MIB1: variants seen among roughly 807,000 people sequenced by gnomAD.
MIB1 encodes E3 ubiquitin-protein ligase MIB1.
In MIB1, 278 loss-of-function variants were observed where a neutral mutation model predicts 124.5. That is an observed-to-expected ratio of 2.23 (90% CI 2.02 to 2.47). The LOEUF (loss-of-function observed/expected upper bound fraction) is 2.47, where lower values mean the gene tolerates loss of function less well. MIB1 is among the 30% of genes most tolerant of loss of function. MIB1 has a pLI of 0.00. For missense variants in MIB1, 957 were observed against 1,254.4 expected, an observed-to-expected ratio of 0.76 and a Z score of 3.58; for synonymous variants, 446 against 429.4, an observed-to-expected ratio of 1.04 and a Z score of -0.48.
chr18:21,727,304 T>C (rs1419834062), intron 1 of MIB1, among the ~76,000 whole-genome samples: 1 of 152,164 alleles, frequency 6.6e-6, no homozygotes, highest in African/African-American at 2.4e-5. Context: ...TGGCTAATTT[T>C]TGTGTTTTAG....
At chr18:21,721,255 A>G (rs2040714766) in intron 1 of MIB1, among the ~76,000 whole-genome samples, 1 of 125,032 alleles carries the variant, frequency 8.0e-6, no homozygotes. Flanking sequence ...ATCTTGGCTC[A>G]CTGCAATATC....
chr18:21,837,302 A>C (rs1438910365), intron 12 of MIB1, among the ~76,000 whole-genome samples: 1 of 152,206 alleles, frequency 6.6e-6, no homozygotes, highest in Non-Finnish European at 1.5e-5. Context: ...AGGTCAGGAG[A>C]TCTAGACCAT....
chr18:21,840,860 A>T (rs570687779), intron 13 of MIB1, among the ~76,000 whole-genome samples: 1 of 151,898 alleles, frequency 6.6e-6, no homozygotes, highest in Admixed American at 6.6e-5. Flanking sequence ...AACACAAAAA[A>T]TTAGTATTAG....
At chr18:21,855,366 T>A (rs935790845) in intron 18 of MIB1, among the ~76,000 whole-genome samples, 2 of 151,974 alleles carry the variant, frequency 1.3e-5, no homozygotes, top group African/African-American at 4.8e-5. Context: ...TGAAGAAAGA[T>A]TAGAAACAAT....
intron 10 of MIB1, among the ~76,000 whole-genome samples, chr18:21,815,058 A>ATAT (rs2041817035): frequency 2.4e-5 from 2 of 84,998 alleles, no homozygotes; most frequent in African/African-American, 4.9e-5. Context: ...TATATATATA[A>ATAT]AATTATATAT....
chr18:21,842,784 T>C (rs1009749998), intron 13 of MIB1, among the ~76,000 whole-genome samples: 5 of 152,186 alleles, frequency 3.3e-5, no homozygotes, highest in Non-Finnish European at 7.4e-5. Context: ...TCAGGAAATA[T>C]TTAGAGTTCT....
chr18:21,769,020 C>T (rs1173082213), intron 3 of MIB1, among the ~76,000 whole-genome samples: 4 of 152,138 alleles, frequency 2.6e-5, no homozygotes, highest in Non-Finnish European at 5.9e-5. Context: ...CTTTTCTGAA[C>T]GCATTTGGGC....
intron 1 of MIB1, among the ~76,000 whole-genome samples, chr18:21,719,612 A>AT (rs1274166599): frequency 0.011 from 1,316 of 121,298 alleles, 15 homozygotes; most frequent in Middle Eastern, 0.032. Flanking sequence ...ACGCTGGGCT[A>AT]TTTTTTTTTT....
intron 10 of MIB1, 88 bp downstream of exon 10, chr18:21,804,102 G>T (rs2041679111): frequency 1.0e-6 from 1 of 976,166 alleles, no homozygotes; most frequent in Non-Finnish European, 1.6e-6. Flanking sequence ...TTTTATTTTT[G>T]AAATTTAGTA....
intron 20 of MIB1, among the ~76,000 whole-genome samples, chr18:21,864,174 G>T (rs112644600): frequency 6.6e-6 from 1 of 152,142 alleles, no homozygotes; most frequent in East Asian, 1.9e-4. Flanking sequence ...ACAGCGGCGC[G>T]ATCTTGGCTT....
chr18:21,829,484 T>C (rs1455922909), intron 12 of MIB1: 1 of 149,458 alleles, frequency 6.7e-6, no homozygotes, highest in African/African-American at 2.5e-5. Flanking sequence ...TTAAATTCAA[T>C]TTTTTTTTTA....
chr18:21,837,126 A>G (rs913721348), intron 12 of MIB1, among the ~76,000 whole-genome samples: 4 of 152,190 alleles, frequency 2.6e-5, no homozygotes, highest in Non-Finnish European at 4.4e-5. Flanking sequence ...GTTATCCCCA[A>G]ACAGTGATTG....
chr18:21,739,091 A>T (rs1474408281), upstream of MIB1, among the ~76,000 whole-genome samples: 4 of 152,046 alleles, frequency 2.6e-5, no homozygotes, highest in African/African-American at 4.8e-5. Flanking sequence ...GCAATAAAAA[A>T]TTATAAAGGG....
chr18:21,808,038 C>A (rs940613395), intron 10 of MIB1, among the ~76,000 whole-genome samples: 1 of 152,000 alleles, frequency 6.6e-6, no homozygotes, highest in South Asian at 2.1e-4. Flanking sequence ...AATATGTATT[C>A]CAAAACGTAA....
chr18:21,846,844 G>A, intron 15 of MIB1, 100 bp from the exon 16 acceptor site: 1 of 1,130,100 alleles, frequency 8.8e-7, no homozygotes, highest in Non-Finnish European at 1.3e-6. Context: ...ATTAGGACTA[G>A]AACTCATAAG....
At chr18:21,800,918 C>T (rs141004475) in intron 9 of MIB1, among the ~76,000 whole-genome samples, 27 of 152,048 alleles carry the variant, frequency 1.8e-4, no homozygotes, top group East Asian at 9.6e-4. Flanking sequence ...GAAAGATAGT[C>T]GGATTTCCTT....
chr18:21,784,400 A>T (rs1003359586), intron 6 of MIB1, among the ~76,000 whole-genome samples: 4 of 152,110 alleles, frequency 2.6e-5, no homozygotes, highest in African/African-American at 4.8e-5. Context: ...CTTGGTTACC[A>T]TGAAGCTTAC....
rs2042329239 is a variant in MIB1 at position 21,867,551 on chromosome 18, G to A, written c.*2885G>A. On this transcript the variant is annotated 3_prime_UTR_variant, in exon 21 of 21. Coordinates refer to ENST00000261537, the MANE Select transcript of MIB1 (RefSeq NM_020774.4). ...TAGTGTAGGAATATATTAGACAAAT[G>A]TTTAGTTGGTCAAATTATGCATAAG... is the stretch of plus-strand genomic sequence containing the variant. 2 of 152,534 alleles carry A rather than the reference G, an allele frequency of 1.3e-5. No individual in the cohort carries two copies. The highest frequency in any genetic ancestry group is 2.1e-4 in the South Asian group (1 of 4,836). 9.4% of individuals were successfully genotyped at this position (152,534 alleles called of 1,614,324 possible).
chr18:21,750,350 C>T (rs927457131), intron 1 of MIB1, among the ~76,000 whole-genome samples: 6 of 151,352 alleles, frequency 4.0e-5, no homozygotes, highest in South Asian at 2.1e-4. Flanking sequence ...TTTTTTGAGA[C>T]GGAGTCTCGC....
Sources: allele counts gnomAD v4.1 joint callset (sites outside exome capture counted in the v4.1 genomes callset), GRCh38; gene constraint gnomAD v4.1.1; transcripts MANE v1.5; gene names NCBI Gene and HGNC (gene_info 2026-07-23, HGNC 2026-07-21).